AGBL3: variants seen among roughly 807,000 people sequenced by gnomAD.
AGBL3 encodes the protein cytosolic carboxypeptidase 3.
AGBL3 carries 68 observed loss-of-function variants against 94.5 expected under a neutral mutation model. The ratio of observed to expected loss-of-function variants is 0.72; its 90% CI spans 0.59 to 0.88. AGBL3 has a LOEUF of 0.88. Ranked by LOEUF, AGBL3 falls within the 40% of genes least tolerant of loss-of-function variation. The pLI is 0.00. For missense variants in AGBL3, 934 were observed against 1,103.8 expected (o/e 0.85, Z 2.18); for synonymous variants, 354 against 370.7 (o/e 0.95, Z 0.52).
chr7:135,019,808 A>T (rs908913644), intron 5 of AGBL3, among the ~76,000 whole-genome samples: 4 of 152,250 alleles, frequency 2.6e-5, no homozygotes, highest in African/African-American at 9.6e-5. Flanking sequence ...AAAAACAAGA[A>T]ATGGGGAAAG....
chr7:135,100,998 C>T lies in AGBL3; in HGVS notation c.2111-14382C>T, dbSNP rs1419853324. Among the ~76,000 whole-genome samples the T allele has an allele frequency of 4.6e-5, 7 of 152,168 alleles. No individual in the cohort carries two copies. The East Asian group carries it at 1.2e-3, about 25-fold the overall frequency. On this transcript the variant is annotated intron_variant, in intron 15 of 16. Transcript: ENST00000436302. ...TTTGCATACCCTGAGGTGTAATATG[C>T]AAATATAACATGGCTATTACATTAC... is the stretch of plus-strand genomic sequence containing the variant.
chr7:134,995,158 T>C (rs1306390951), intron 4 of AGBL3: 1 of 152,148 alleles, frequency 6.6e-6, no homozygotes, highest in Admixed American at 6.5e-5. Flanking sequence ...TAAGGAGCAA[T>C]AAAGGAAAAT....
At chr7:135,009,553 T>C (rs949132524) in intron 4 of AGBL3, among the ~76,000 whole-genome samples, 1 of 152,154 alleles carries the variant, frequency 6.6e-6, no homozygotes, top group Non-Finnish European at 1.5e-5. Context: ...ACTAATGTCT[T>C]ATTATAGATT....
chr7:135,051,093 C>G, intron 11 of AGBL3: 1 of 416,572 alleles, frequency 2.4e-6, no homozygotes. Flanking sequence ...CTGGAAAATT[C>G]AATGCCACAG....
intron 12 of AGBL3, among the ~76,000 whole-genome samples, chr7:135,072,124 A>G (rs1443140049): frequency 6.6e-6 from 1 of 152,260 alleles, no homozygotes; most frequent in Non-Finnish European, 1.5e-5. Flanking sequence ...ACACTTCTCA[A>G]AAGAAGACAT....
At chr7:135,051,466 C>T (rs2116621341) in intron 11 of AGBL3, among the ~76,000 whole-genome samples, 1 of 152,170 alleles carries the variant, frequency 6.6e-6, no homozygotes, top group South Asian at 2.1e-4. Flanking sequence ...GATAAGATTT[C>T]CCAGGCTCAT....
intron 16 of AGBL3, among the ~76,000 whole-genome samples, chr7:135,122,413 G>A (rs866775569): frequency 2.0e-4 from 30 of 152,296 alleles, no homozygotes; most frequent in African/African-American, 7.0e-4. Flanking sequence ...CTAGCGGGAG[G>A]GGTGACCACA....
Position 135,032,849 on chromosome 7 carries a change from A to G in AGBL3, c.424A>G (p.Lys142Glu). 1 of 1,546,514 alleles carries G rather than the reference A, an allele frequency of 6.5e-7. No homozygotes were observed. Among genetic ancestry groups the G allele is most frequent in the Non-Finnish European group, 8.7e-7 (1 of 1,145,096 alleles). ...TVVYLAEDAYKEPCFVYSRVG... is the reference protein window; with the variant it reads ...TVVYLAEDAYEEPCFVYSRVG... ...TGATCTTCTTCTCTCATCAGCTTACAAAGAGCCCTGTTTTGTGTATTCCCG... is the reference window on the plus strand; with the variant it reads ...TGATCTTCTTCTCTCATCAGCTTACGAAGAGCCCTGTTTTGTGTATTCCCG... The change falls in exon 6 of 17, where the codon AAA (lysine) becomes GAA (glutamate). Residue 142 changes from lysine to glutamate, a missense_variant. By Grantham distance (56) the Lys-to-Glu change is moderately conservative. This residue lies in a region of AGBL3 where 488 missense variants were observed against 563.6 expected (regional missense o/e 0.87). Transcript: ENST00000436302.
intron 16 of AGBL3, among the ~76,000 whole-genome samples, chr7:135,124,225 A>ACG (rs1827542779): frequency 6.6e-6 from 1 of 151,882 alleles, no homozygotes; most frequent in Admixed American, 6.6e-5. Context: ...GAAAGCAAAA[A>ACG]AAAAAAAAGT....
intron 12 of AGBL3, 42 bp downstream of exon 12, chr7:135,059,277 A>C (rs1563225373): frequency 1.4e-6 from 2 of 1,449,164 alleles, no homozygotes; most frequent in African/African-American, 1.4e-5. Context: ...TATGCTGTGT[A>C]GGTACTGTTC....
intron 4 of AGBL3, chr7:135,010,306 G>T (rs377517215): frequency 0.017 from 4,172 of 251,800 alleles, 155 homozygotes; most frequent in African/African-American, 0.083. Flanking sequence ...GTTTTTTTTT[G>T]TTGTTTTTTT....
At chr7:135,065,302 A>G (rs918802355) in intron 12 of AGBL3, among the ~76,000 whole-genome samples, 6 of 152,220 alleles carry the variant, frequency 3.9e-5, no homozygotes, top group Non-Finnish European at 1.5e-5. Flanking sequence ...TTTCAATGAC[A>G]TTTTTCACAG....
chr7:135,114,949 CT>C (rs1281212380), intron 15 of AGBL3, among the ~76,000 whole-genome samples: 2 of 152,116 alleles, frequency 1.3e-5, no homozygotes, highest in East Asian at 3.9e-4. Context: ...CCCCTTATAA[CT>C]TTCCCTTTTG....
At chr7:135,019,501 A>T (rs1563188912) in intron 5 of AGBL3, among the ~76,000 whole-genome samples, 2 of 151,846 alleles carry the variant, frequency 1.3e-5, no homozygotes, top group East Asian at 1.9e-4. Context: ...ATCTAGAATC[A>T]TTTTTTTGTG....
intron 5 of AGBL3, among the ~76,000 whole-genome samples, chr7:135,019,266 T>C (rs1584851136): frequency 6.6e-6 from 1 of 152,220 alleles, no homozygotes; most frequent in Non-Finnish European, 1.5e-5. Flanking sequence ...ATATATGATA[T>C]AGTGAAATCT....
At chr7:135,005,104 T>G (rs1812217727) in intron 4 of AGBL3, among the ~76,000 whole-genome samples, 1 of 151,646 alleles carries the variant, frequency 6.6e-6, no homozygotes. Context: ...TATGTAGCCA[T>G]CTATCCATCC....
At chr7:135,050,478 T>C (rs987285948) in intron 11 of AGBL3, among the ~76,000 whole-genome samples, 1 of 151,950 alleles carries the variant, frequency 6.6e-6, no homozygotes, top group Non-Finnish European at 1.5e-5. Flanking sequence ...AAATGAGGTA[T>C]TGAAGTCTCC....
intron 12 of AGBL3, among the ~76,000 whole-genome samples, chr7:135,063,630 C>A (rs1430677444): frequency 6.6e-6 from 1 of 152,006 alleles, no homozygotes; most frequent in Non-Finnish European, 1.5e-5. Context: ...TCTTTACTGA[C>A]CCATTGGCTG....
chr7:135,099,755 G>A (rs1823482199), intron 15 of AGBL3, among the ~76,000 whole-genome samples: 1 of 151,988 alleles, frequency 6.6e-6, no homozygotes, highest in East Asian at 1.9e-4. Context: ...TATACACAGT[G>A]CCCCACAAGA....
Sources: gnomAD v4.1 joint callset for allele counts (sites outside exome capture counted in the v4.1 genomes callset) on GRCh38, gnomAD v4.1.1 for gene constraint, gnomAD v4.1.1 regional missense constraint, MANE v1.5 for transcripts, NCBI Gene and HGNC (gene_info 2026-07-23, HGNC 2026-07-21) for gene names.